TANGO6: variants seen among roughly 807,000 people sequenced by gnomAD.
The protein encoded by TANGO6 is transport and Golgi organization protein 6 homolog.
In TANGO6, 90 loss-of-function variants were observed where a neutral mutation model predicts 114.2. That is an observed-to-expected ratio of 0.79 (90% CI 0.66 to 0.94). The LOEUF (loss-of-function observed/expected upper bound fraction) is 0.94. TANGO6 is among the 40% of genes least tolerant of loss of function. TANGO6 has a pLI of 0.00. For missense variants in TANGO6, 1,274 were observed against 1,315.3 expected (o/e 0.97, Z 0.49); for synonymous variants, 477 against 509.8 (o/e 0.94, Z 0.87).
At chr16:69,048,522 G>A (rs1959897704) in intron 17 of TANGO6, among the ~76,000 whole-genome samples, 1 of 151,948 alleles carries the variant, frequency 6.6e-6, no homozygotes. Context: ...TCCTGCCTTA[G>A]CCTCCCAGGG....
chr16:68,890,193 C>T (rs1395719705), intron 7 of TANGO6, among the ~76,000 whole-genome samples: 1 of 152,138 alleles, frequency 6.6e-6, no homozygotes, highest in Non-Finnish European at 1.5e-5. Context: ...TGTTTGTATT[C>T]CCACACATGT....
At chr16:68,991,320 G>A (rs1159924863) in intron 15 of TANGO6, among the ~76,000 whole-genome samples, 2 of 152,168 alleles carry the variant, frequency 1.3e-5, no homozygotes, top group African/African-American at 4.8e-5. Flanking sequence ...GGATGCTGAA[G>A]AAAGGAGAGC....
At chr16:69,074,362 G>A (rs909785013) in intron 17 of TANGO6, among the ~76,000 whole-genome samples, 4 of 151,988 alleles carry the variant, frequency 2.6e-5, no homozygotes, top group African/African-American at 9.7e-5. Flanking sequence ...AGGGAATTCA[G>A]GGCGAGTCTG....
intron 11 of TANGO6, among the ~76,000 whole-genome samples, chr16:68,911,877 A>G (rs1427119583): frequency 6.6e-6 from 1 of 152,214 alleles, no homozygotes. Flanking sequence ...GAATGGGATC[A>G]TATCTGTAGC....
rs890748658 is a variant in TANGO6 at position 69,072,122 on chromosome 16, C to T, written c.3109-11363C>T. 6.0e-5 allele frequency among the ~76,000 whole-genome samples: 7 copies of T among 116,680 alleles called. No individual in the cohort carries two copies. In the South Asian group the frequency reaches 9.4e-4, roughly 16 times the overall value. The allele number at this position is 116,680 out of a possible 152,430, so 76.5% of individuals were successfully genotyped here. On this transcript the variant is annotated intron_variant, in intron 17 of 17. Coordinates refer to ENST00000261778, the MANE Select transcript of TANGO6 (RefSeq NM_024562.2). ...TGTATGTGTGAAGAGAGAGGGAGACCGTGTGTGTGTGTGTGTGTGTGTGTG... is the reference window on the plus strand; with the variant it reads ...TGTATGTGTGAAGAGAGAGGGAGACTGTGTGTGTGTGTGTGTGTGTGTGTG...
At chr16:68,924,993 T>C (rs922117423) in intron 12 of TANGO6, among the ~76,000 whole-genome samples, 5 of 151,618 alleles carry the variant, frequency 3.3e-5, no homozygotes, top group African/African-American at 1.2e-4. Context: ...TGCCCAGGAT[T>C]GAGAACTCTG....
intron 14 of TANGO6, among the ~76,000 whole-genome samples, chr16:68,932,932 G>A (rs1188759555): frequency 1.3e-5 from 2 of 152,152 alleles, no homozygotes; most frequent in African/African-American, 4.8e-5. Context: ...CTTAATATTA[G>A]GATTAAATGA....
intron 16 of TANGO6, among the ~76,000 whole-genome samples, chr16:69,032,983 C>A (rs535152483): frequency 6.6e-6 from 1 of 151,784 alleles, no homozygotes; most frequent in South Asian, 2.1e-4. Flanking sequence ...GTCAGGAGTT[C>A]GAGACCAGCC....
intron 6 of TANGO6, among the ~76,000 whole-genome samples, chr16:68,879,077 A>AAAT (rs752822689): frequency 1.5e-4 from 23 of 151,956 alleles, no homozygotes; most frequent in Admixed American, 3.3e-4. Context: ...CCCTTGCTCA[A>AAAT]AATAATAATA....
intron 15 of TANGO6, among the ~76,000 whole-genome samples, chr16:69,001,017 T>A (rs1255297304): frequency 6.6e-6 from 1 of 152,242 alleles, no homozygotes; most frequent in Non-Finnish European, 1.5e-5. Context: ...AAAATGATTC[T>A]TACACCCTCT....
intron 15 of TANGO6, among the ~76,000 whole-genome samples, chr16:68,996,864 C>T (rs1963995470): frequency 1.3e-5 from 2 of 152,162 alleles, no homozygotes; most frequent in Non-Finnish European, 2.9e-5. Flanking sequence ...AGGATTTAAA[C>T]ACTCTAATTG....
chr16:68,933,149 TCACGCCTATCATCC>T (rs368710342), intron 14 of TANGO6, among the ~76,000 whole-genome samples: 1 of 151,420 alleles, frequency 6.6e-6, no homozygotes, highest in African/African-American at 2.5e-5. Context: ...ACTCTGTGGC[TCACGCCTATCATCC>T]CAGCACTTTG....
Position 69,083,778 on chromosome 16 carries a change from G to A in TANGO6, c.*117G>A. ...GTGCTGGCAGCATGGCTGACCCTCGGGGTGGTTTTATGGTGCAGGTCACTT... is the reference window on the plus strand; with the variant it reads ...GTGCTGGCAGCATGGCTGACCCTCGAGGTGGTTTTATGGTGCAGGTCACTT... On this transcript the variant is annotated 3_prime_UTR_variant, in exon 18 of 18. Coordinates refer to ENST00000261778, the MANE Select transcript of TANGO6 (RefSeq NM_024562.2). 1.6e-6 allele frequency: 2 copies of A among 1,254,234 alleles called. No individual in the cohort carries two copies. Among genetic ancestry groups the A allele is most frequent in the Non-Finnish European group, 2.2e-6 (2 of 924,342 alleles). The allele number at this position is 1,254,234 out of a possible 1,614,324, so 77.7% of individuals were successfully genotyped here. A position where few individuals can be genotyped will look rare whatever the true frequency, so the allele number is the denominator to read the frequency against.
chr16:69,049,051 C>T (rs1006537695), intron 17 of TANGO6, among the ~76,000 whole-genome samples: 2 of 152,128 alleles, frequency 1.3e-5, no homozygotes, highest in African/African-American at 4.8e-5. Context: ...CTTCCCCTTA[C>T]CTTGTATTTC....
At chr16:68,946,001 A>AT (rs369523473) in intron 14 of TANGO6, among the ~76,000 whole-genome samples, 125 of 148,882 alleles carry the variant, frequency 8.4e-4, no homozygotes, top group Middle Eastern at 7.1e-3. Context: ...CCCATTTTTA[A>AT]TTTTTTTTTT....
At chr16:68,946,474 G>T (rs376240641) in intron 14 of TANGO6, among the ~76,000 whole-genome samples, 1 of 152,110 alleles carries the variant, frequency 6.6e-6, no homozygotes, top group Non-Finnish European at 1.5e-5. Context: ...GATTACAGGC[G>T]TGAGCCACCG....
chr16:69,059,261 G>A (rs953709430), intron 17 of TANGO6, among the ~76,000 whole-genome samples: 4 of 151,488 alleles, frequency 2.6e-5, no homozygotes, highest in African/African-American at 9.7e-5. Flanking sequence ...AGTAGAGATG[G>A]GGGTCTCACC....
intron 4 of TANGO6, among the ~76,000 whole-genome samples, chr16:68,874,888 T>G (rs948219100): frequency 1.3e-5 from 2 of 152,038 alleles, no homozygotes; most frequent in Admixed American, 6.6e-5. Context: ...AGGAAGAGGT[T>G]GCAGTGAGCT....
At chr16:68,867,338 C>A (rs1265023063) in intron 4 of TANGO6, 118 bp downstream of exon 4, 11 of 1,339,814 alleles carry the variant, frequency 8.2e-6, no homozygotes, top group African/African-American at 1.5e-5. Flanking sequence ...AAACTCCATC[C>A]TTGCAGGGAT....
Sources: gnomAD v4.1 joint callset for allele counts (sites outside exome capture counted in the v4.1 genomes callset) on GRCh38, gnomAD v4.1.1 for gene constraint, MANE v1.5 for transcripts, NCBI Gene and HGNC (gene_info 2026-07-23, HGNC 2026-07-21) for gene names.